Variants in DYNC1I1 observed in about 807,000 individuals in gnomAD.
DYNC1I1 encodes dynein cytoplasmic 1 intermediate chain 1.
A neutral mutation model predicts 86.6 loss-of-function variants in DYNC1I1; 43 were observed. The observed-to-expected ratio is 0.50, with a 90% CI of 0.39 to 0.64. The LOEUF (loss-of-function observed/expected upper bound fraction) is 0.64, where lower values mean the gene tolerates loss of function less well. Among genes scored for constraint, DYNC1I1 ranks in the 30% least tolerant of loss-of-function variants. The pLI, the probability that DYNC1I1 is intolerant of heterozygous loss-of-function variation, is 0.00. For synonymous variants in DYNC1I1, 262 were observed against 283.7 expected (o/e 0.92, Z 0.77); for missense variants, 604 against 788.8 (o/e 0.77, Z 2.81).
At chr7:95,892,352 C>G (rs777271393) in intron 6 of DYNC1I1, among the ~76,000 whole-genome samples, 2 of 151,982 alleles carry the variant, frequency 1.3e-5, no homozygotes, top group Non-Finnish European at 2.9e-5. Context: ...CTCTGTCGCC[C>G]AGGCGGGAGT....
At chr7:95,783,965 A>G (rs1794063098) in intron 1 of DYNC1I1, among the ~76,000 whole-genome samples, 1 of 152,156 alleles carries the variant, frequency 6.6e-6, no homozygotes, top group South Asian at 2.1e-4. Flanking sequence ...TTCTTACAGG[A>G]TTTAATTTTT....
intron 10 of DYNC1I1, among the ~76,000 whole-genome samples, chr7:96,012,224 A>C (rs537210916): frequency 1.3e-5 from 2 of 152,282 alleles, no homozygotes; most frequent in South Asian, 4.1e-4. Flanking sequence ...CTTAGGCTTG[A>C]AAGATTTATT....
chr7:95,951,886 G>A (rs960690037), intron 6 of DYNC1I1, among the ~76,000 whole-genome samples: 11 of 152,088 alleles, frequency 7.2e-5, no homozygotes, highest in Non-Finnish European at 1.3e-4. Flanking sequence ...CTTCTTTTCT[G>A]TATATGTTTC....
intron 4 of DYNC1I1, 53 bp downstream of exon 4, chr7:95,813,390 AAAAC>A: frequency 6.4e-7 from 1 of 1,567,376 alleles, no homozygotes. Context: ...AAAAAAAAAA[AAAAC>A]AGCAACAACA....
chr7:95,815,826 G>A (rs1584248486), intron 4 of DYNC1I1, among the ~76,000 whole-genome samples: 2 of 152,032 alleles, frequency 1.3e-5, no homozygotes, highest in South Asian at 4.1e-4. Flanking sequence ...GTAGCTAAAG[G>A]CACATATAAA....
intron 10 of DYNC1I1, among the ~76,000 whole-genome samples, chr7:95,999,307 G>A (rs566973695): frequency 6.6e-6 from 1 of 152,180 alleles, no homozygotes; most frequent in Non-Finnish European, 1.5e-5. Context: ...GCTATGTTTA[G>A]AGTCTTAGCT....
intron 5 of DYNC1I1, among the ~76,000 whole-genome samples, chr7:95,832,871 C>T (rs1788952594): frequency 6.6e-6 from 1 of 152,002 alleles, no homozygotes; most frequent in South Asian, 2.1e-4. Flanking sequence ...GGATATTAGC[C>T]CTTTGTCAGA....
chr7:95,851,013 C>A (rs372806108), intron 5 of DYNC1I1, among the ~76,000 whole-genome samples: 1 of 152,162 alleles, frequency 6.6e-6, no homozygotes. Context: ...TTTGTGAATG[C>A]AGCCCACTGC....
At chr7:96,083,739 G>T (rs187277078) in intron 16 of DYNC1I1, among the ~76,000 whole-genome samples, 5 of 152,204 alleles carry the variant, frequency 3.3e-5, no homozygotes, top group Non-Finnish European at 7.4e-5. Flanking sequence ...AACAAATAAG[G>T]TATTGAAGAC....
In DYNC1I1 at chr7:96,007,204, C is replaced by T. The variant is rs115818506; in HGVS notation, c.969+11131C>T. Among the ~76,000 whole-genome samples, 1,031 of 152,162 alleles carry T rather than the reference C, an allele frequency of 6.8e-3. 8 individuals are homozygous for T. Among genetic ancestry groups the T allele is most frequent in the African/African-American group, 0.023 (951 of 41,516 alleles). On this transcript the variant is annotated intron_variant, in intron 10 of 16. Transcript: ENST00000447467. ...AGTACTTGTGTTACAGGAATAATGG[C>T]AAAATAAATGGGAAGTGGACTCTGT...
At chr7:95,964,906 T>C (rs993285791) in intron 6 of DYNC1I1, among the ~76,000 whole-genome samples, 1 of 152,166 alleles carries the variant, frequency 6.6e-6, no homozygotes, top group African/African-American at 2.4e-5. Flanking sequence ...GCAAAAGCTG[T>C]GAGGTGTGAG....
At chr7:95,945,857 T>C (rs1389886291) in intron 6 of DYNC1I1, among the ~76,000 whole-genome samples, 1 of 152,204 alleles carries the variant, frequency 6.6e-6, no homozygotes, top group Non-Finnish European at 1.5e-5. Flanking sequence ...TGGACATATA[T>C]GTTCATTGCA....
chr7:95,991,249 T>A (rs1562965306), intron 9 of DYNC1I1, among the ~76,000 whole-genome samples: 1 of 152,162 alleles, frequency 6.6e-6, no homozygotes, highest in East Asian at 1.9e-4. Flanking sequence ...CCCTGAGGCA[T>A]TTCCAGGCCT....
At chr7:96,075,736 C>A (rs1041418363) in intron 14 of DYNC1I1, among the ~76,000 whole-genome samples, 2 of 152,170 alleles carry the variant, frequency 1.3e-5, no homozygotes, top group African/African-American at 4.8e-5. Flanking sequence ...TCTCGCAAAG[C>A]GTTGCCGGGC....
chr7:95,949,230 T>C (rs907151847), intron 6 of DYNC1I1, among the ~76,000 whole-genome samples: 1 of 152,202 alleles, frequency 6.6e-6, no homozygotes, highest in African/African-American at 2.4e-5. Context: ...GCAAGAGTTG[T>C]ATGTATGCTT....
intron 9 of DYNC1I1, among the ~76,000 whole-genome samples, chr7:95,988,575 G>C (rs1313580870): frequency 1.3e-5 from 2 of 152,168 alleles, no homozygotes; most frequent in African/African-American, 4.8e-5. Flanking sequence ...CTAGTGTGGT[G>C]ACATCAGAAT....
intron 13 of DYNC1I1, among the ~76,000 whole-genome samples, chr7:96,037,868 G>A (rs1788908551): frequency 6.6e-6 from 1 of 152,110 alleles, no homozygotes; most frequent in Admixed American, 6.6e-5. Flanking sequence ...GCAGGCATTG[G>A]CTTTGTAGTC....
At chr7:96,011,542 T>C (rs1211576671) in intron 10 of DYNC1I1, among the ~76,000 whole-genome samples, 1 of 152,182 alleles carries the variant, frequency 6.6e-6, no homozygotes, top group African/African-American at 2.4e-5. Flanking sequence ...ATTTTCACCT[T>C]GTGAAATTTG....
intron 4 of DYNC1I1, among the ~76,000 whole-genome samples, chr7:95,822,231 T>C (rs1795091398): frequency 6.6e-6 from 1 of 152,194 alleles, no homozygotes. Context: ...ATTGAGCCAA[T>C]GAAAGGGGAA....
Sources: gnomAD v4.1 joint callset for allele counts (sites outside exome capture counted in the v4.1 genomes callset) on GRCh38, gnomAD v4.1.1 for gene constraint, MANE v1.5 for transcripts, NCBI Gene and HGNC (gene_info 2026-07-23, HGNC 2026-07-21) for gene names.